Variants in ANGPT1 observed in about 807,000 individuals in gnomAD.
The protein encoded by ANGPT1 is angiopoietin-1.
ANGPT1 carries 17 observed loss-of-function variants against 62.2 expected under a neutral mutation model. That is an observed-to-expected ratio of 0.27 (90% CI 0.19 to 0.41). The LOEUF (loss-of-function observed/expected upper bound fraction) is 0.41, where lower values mean the gene tolerates loss of function less well. Ranked by LOEUF, ANGPT1 falls within the 10% of genes least tolerant of loss-of-function variation. ANGPT1 has a pLI of 1.00. For synonymous variants in ANGPT1, 199 were observed against 198.9 expected (o/e 1.00, Z 0.00); for missense variants, 478 against 594.9 (o/e 0.80, Z 2.04).
chr8:107,282,438 ATGTGTG>A (rs10565769), intron 7 of ANGPT1, among the ~76,000 whole-genome samples: 15 of 142,952 alleles, frequency 1.0e-4, no homozygotes, highest in African/African-American at 3.6e-4. Flanking sequence ...ATATGTGTGT[ATGTGTG>A]TGTGTGTGTG....
At chr8:107,302,907 G>C (rs2129978666) in intron 5 of ANGPT1, among the ~76,000 whole-genome samples, 1 of 151,982 alleles carries the variant, frequency 6.6e-6, no homozygotes, top group South Asian at 2.1e-4. Flanking sequence ...TGGGTCTTTG[G>C]AAGATGGCTT....
intron 1 of ANGPT1, among the ~76,000 whole-genome samples, chr8:107,383,848 C>T (rs886170040): frequency 2.0e-5 from 3 of 152,108 alleles, no homozygotes; most frequent in African/African-American, 7.2e-5. Context: ...TTTTCAGGAG[C>T]TGATAGAGAT....
intron 1 of ANGPT1, among the ~76,000 whole-genome samples, chr8:107,407,634 A>T (rs556200997): frequency 3.2e-4 from 48 of 152,332 alleles, no homozygotes; most frequent in Non-Finnish European, 5.9e-4. Flanking sequence ...TCAGAAAAAC[A>T]CATCTGAGAA....
intron 1 of ANGPT1, among the ~76,000 whole-genome samples, chr8:107,465,099 T>C (rs1586345173): frequency 6.6e-6 from 1 of 152,096 alleles, no homozygotes; most frequent in East Asian, 1.9e-4. Flanking sequence ...GGGATTTGAG[T>C]TGGAATGGAA....
intron 3 of ANGPT1, among the ~76,000 whole-genome samples, chr8:107,333,942 GAA>G (rs1238919565): frequency 3.0e-4 from 36 of 122,030 alleles, no homozygotes; most frequent in African/African-American, 9.0e-4. Flanking sequence ...AAGAAAGAAA[GAA>G]AAAGAAAGAA....
chr8:107,255,118 A>G (rs1258428863), intron 8 of ANGPT1, among the ~76,000 whole-genome samples: 1 of 152,208 alleles, frequency 6.6e-6, no homozygotes, highest in Non-Finnish European at 1.5e-5. Flanking sequence ...GGAGACAAAC[A>G]AAATGCTACA....
chr8:107,309,034 T>C (rs1420505309), intron 4 of ANGPT1, among the ~76,000 whole-genome samples: 2 of 152,142 alleles, frequency 1.3e-5, no homozygotes, highest in Non-Finnish European at 1.5e-5. Context: ...AATGTGGAAT[T>C]GGTAATTATT....
intron 1 of ANGPT1, among the ~76,000 whole-genome samples, chr8:107,439,267 C>G (rs530191790): frequency 1.3e-5 from 2 of 152,158 alleles, no homozygotes; most frequent in Non-Finnish European, 1.5e-5. Context: ...CAGAGTCAGA[C>G]CTGGGAGTAA....
intron 1 of ANGPT1, among the ~76,000 whole-genome samples, chr8:107,359,353 A>G (rs570996192): frequency 2.8e-4 from 43 of 152,304 alleles, no homozygotes; most frequent in Admixed American, 3.9e-4. Flanking sequence ...TGTGTAATGA[A>G]TCTTCCCCTA....
chr8:107,289,792 G>T (rs1234669494), intron 6 of ANGPT1, among the ~76,000 whole-genome samples: 1 of 152,208 alleles, frequency 6.6e-6, no homozygotes, highest in South Asian at 2.1e-4. Flanking sequence ...AATAAAGCAA[G>T]TTTGCCTCCA....
chr8:107,464,307 C>G (rs1812146056), intron 1 of ANGPT1, among the ~76,000 whole-genome samples: 1 of 152,082 alleles, frequency 6.6e-6, no homozygotes, highest in South Asian at 2.1e-4. Flanking sequence ...TGACTTGCCT[C>G]TATGCATCAT....
At chr8:107,412,010 C>G (rs1672165) in intron 1 of ANGPT1, among the ~76,000 whole-genome samples, 126,251 of 152,110 alleles carry the variant, frequency 0.83, 52,513 homozygotes, top group African/African-American at 0.87. Context: ...ATTAGTTTTT[C>G]TTTGAAGGAT....
At chr8:107,399,347 A>G (rs1816997781) in intron 1 of ANGPT1, among the ~76,000 whole-genome samples, 1 of 152,232 alleles carries the variant, frequency 6.6e-6, no homozygotes, top group Admixed American at 6.5e-5. Context: ...CTCTGAAAAC[A>G]GGACTTGGTT....
chr8:107,251,789 GT>G lies in ANGPT1; in HGVS notation c.*65del. 1.3e-6 allele frequency: 2 copies of G among 1,585,166 alleles called. No individual in the cohort carries two copies. The highest frequency in any genetic ancestry group is 1.7e-6 in the Non-Finnish European group (2 of 1,158,908). The stretch of plus-strand genomic sequence containing the variant: ...TGTTTGCTTCTGAAGTTTTCAAACA[GT>G]TTCTCACCTGGCAGCTTCTCCGGAT... On this transcript the variant is annotated 3_prime_UTR_variant, in exon 9 of 9. Coordinates refer to ENST00000517746, the MANE Select transcript of ANGPT1 (RefSeq NM_001146.5).
intron 6 of ANGPT1, among the ~76,000 whole-genome samples, chr8:107,285,237 G>A (rs1814111268): frequency 6.6e-6 from 1 of 152,080 alleles, no homozygotes; most frequent in African/African-American, 2.4e-5. Flanking sequence ...CACTATGAGA[G>A]TGATATTAGA....
At chr8:107,475,736 G>A (rs915342544) in intron 1 of ANGPT1, among the ~76,000 whole-genome samples, 1 of 151,780 alleles carries the variant, frequency 6.6e-6, no homozygotes, top group African/African-American at 2.4e-5. Context: ...AACAAATTGA[G>A]AAGAAAAAAG....
In ANGPT1 at chr8:107,321,650, G is replaced by A. The variant is rs576541912; in HGVS notation, c.808+246C>T. Among the ~76,000 whole-genome samples, 18 of 152,154 alleles carry A rather than the reference G, an allele frequency of 1.2e-4. No homozygotes were observed. The East Asian group carries it at 3.3e-3, about 28-fold the overall frequency. On this transcript the variant is annotated intron_variant, in intron 4 of 8. Coordinates refer to ENST00000517746, the MANE Select transcript of ANGPT1 (RefSeq NM_001146.5). ...ATTTTATCTAAGGTTAAAAGACAAA[G>A]AAAGAAGAAATTAGAAAGCTCTTTC... is the stretch of plus-strand genomic sequence containing the variant.
intron 1 of ANGPT1, among the ~76,000 whole-genome samples, chr8:107,409,340 T>G (rs1817212535): frequency 6.6e-6 from 1 of 152,166 alleles, no homozygotes; most frequent in Non-Finnish European, 1.5e-5. Context: ...AATCAGACTT[T>G]CTTACTGCAG....
Position 107,312,724 on chromosome 8 carries a change from T to C in ANGPT1, c.808+9172A>G, listed in dbSNP as rs1814905239. On this transcript the variant is annotated intron_variant, in intron 4 of 8. Coordinates refer to ENST00000517746, the MANE Select transcript of ANGPT1 (RefSeq NM_001146.5). The stretch of plus-strand genomic sequence containing the variant: ...AGAGACAAAGTTGGAATGCTTGATA[T>C]GAGTCATAAAGTATGTAGGTTTGTG... 2.0e-5 allele frequency among the ~76,000 whole-genome samples: 3 copies of C among 152,154 alleles called. No homozygotes were observed. In the South Asian group the frequency reaches 6.2e-4, roughly 32 times the overall value.
Sources: allele counts gnomAD v4.1 joint callset (sites outside exome capture counted in the v4.1 genomes callset), GRCh38; gene constraint gnomAD v4.1.1; transcripts MANE v1.5; gene names NCBI Gene and HGNC (gene_info 2026-07-23, HGNC 2026-07-21).